The following FBXW8 variants were observed in gnomAD, a reference collection of about 807,000 sequenced individuals.
The protein encoded by FBXW8 is F-box and WD repeat domain containing 8.
In FBXW8, 57 loss-of-function variants were observed where a neutral mutation model predicts 65.3. The observed-to-expected ratio is 0.87, with a 90% CI of 0.71 to 1.09. The LOEUF (loss-of-function observed/expected upper bound fraction) is 1.09. Among genes scored for constraint, FBXW8 ranks in the 50% least tolerant of loss-of-function variants. The pLI is 0.00. For missense variants in FBXW8, 777 were observed against 814.8 expected (o/e 0.95, Z 0.57); for synonymous variants, 308 against 330.2 (o/e 0.93, Z 0.73).
At chr12:116,912,078 G>A (rs1262378265) in intron 1 of FBXW8, among the ~76,000 whole-genome samples, 2 of 151,958 alleles carry the variant, frequency 1.3e-5, no homozygotes, top group African/African-American at 2.4e-5. Flanking sequence ...CAGGTTAAGA[G>A]GACAAGGCTC....
intron 8 of FBXW8, among the ~76,000 whole-genome samples, chr12:117,014,056 T>A (rs548324866): frequency 1.8e-4 from 28 of 152,308 alleles, no homozygotes; most frequent in South Asian, 2.1e-4. Context: ...GTAACCTCAA[T>A]AATGTAAATA....
At chr12:117,015,193 G>T (rs1250787542) in intron 8 of FBXW8, among the ~76,000 whole-genome samples, 1 of 152,158 alleles carries the variant, frequency 6.6e-6, no homozygotes, top group Non-Finnish European at 1.5e-5. Flanking sequence ...TCAGGGCAAG[G>T]CTGCAAGAGG....
intron 2 of FBXW8, among the ~76,000 whole-genome samples, chr12:116,942,395 G>A: frequency 7.5e-6 from 1 of 133,168 alleles, no homozygotes; most frequent in Admixed American, 8.4e-5. Context: ...TTTTTTCCGA[G>A]ACAGAGTCTT....
Position 116,928,092 on chromosome 12 carries a change from TA to T in FBXW8, c.389del (p.Tyr130PhefsTer7). 1 of 1,611,996 alleles carries T rather than the reference TA, an allele frequency of 6.2e-7. No homozygotes were observed. The highest frequency in any genetic ancestry group is 8.5e-7 in the Non-Finnish European group (1 of 1,179,028). Reference sequence around the variant, plus strand: ...CGAATTGGCAATCAATATATTTCAGTATCTGGACAGGAAAGAACTAGGAAGA... The same window carrying T: ...CGAATTGGCAATCAATATATTTCAGTTCTGGACAGGAAAGAACTAGGAAGA... ...PYELAINIFQ[Y>X]LDRKELGRCA... On this transcript the variant is annotated frameshift_variant, in exon 2 of 11. Coordinates refer to ENST00000652555, the MANE Select transcript of FBXW8 (RefSeq NM_153348.3). LOFTEE classifies it high-confidence loss of function.
rs1237569243 is a variant in FBXW8, at chr12:116,945,401, T to A, written c.461T>A (p.Val154Glu). The change falls in exon 3 of 11, where the codon GTG becomes GAG. Residue 154 changes from valine to glutamate, a missense_variant. Coordinates refer to ENST00000652555, the MANE Select transcript of FBXW8 (RefSeq NM_153348.3). ...KTWKVIAEDE[V>E]LWYRLCQQEG... is the part of the protein sequence containing the mutation. ...TGGAAGGTGATTGCAGAGGATGAGG[T>A]GCTGTGGTACAGGCTGTGCCAGCAG... 7 of 1,613,922 alleles carry A rather than the reference T, an allele frequency of 4.3e-6. 1 individual carries two copies. Among genetic ancestry groups the A allele is most frequent in the Non-Finnish European group, 5.9e-6 (7 of 1,179,986 alleles).
rs755564545 is a variant in FBXW8 at position 117,027,457 on chromosome 12, G to A, written c.1605G>A (p.Gln535=). 1.1e-5 allele frequency: 18 copies of A among 1,614,054 alleles called. No individual in the cohort carries two copies. Among genetic ancestry groups the A allele is most frequent in the Admixed American group, 8.3e-5 (5 of 60,006 alleles). The stretch of plus-strand genomic sequence containing the variant: ...TCATCACGGCCAACGTGCCTTACCA[G>A]ACGGTAATGCGAAACGCCGACCTGG... ...HSLITANVPY[Q]TVMRNADLDS... Residue 535 remains glutamine (Q), a synonymous_variant, in exon 10 of 11, where the codon CAG becomes CAA. Coordinates refer to ENST00000652555, the MANE Select transcript of FBXW8 (RefSeq NM_153348.3).
chr12:116,968,437 A>G (rs1175661624), intron 5 of FBXW8, among the ~76,000 whole-genome samples: 1 of 152,348 alleles, frequency 6.6e-6, no homozygotes, highest in East Asian at 1.9e-4. Flanking sequence ...TCTAAATAGC[A>G]TATCTTAAAA....
rs147866134 is a variant in FBXW8 at position 116,968,475 on chromosome 12, A to C, written c.835+3621A>C. On this transcript the variant is annotated intron_variant, in intron 5 of 10. Transcript: ENST00000652555. ...GAGTGCATGTCTGTGTAGAGAGAGT[A>C]CCCCGTTTGCACACCTGAATGGTAA... 1.2e-4 allele frequency among the ~76,000 whole-genome samples: 19 copies of C among 152,280 alleles called. 1 individual carries two copies. In the East Asian group the frequency reaches 3.5e-3, roughly 28 times the overall value.
chr12:116,992,227 G>A (rs1005900858), intron 7 of FBXW8, among the ~76,000 whole-genome samples: 3 of 152,060 alleles, frequency 2.0e-5, no homozygotes, highest in Non-Finnish European at 4.4e-5. Context: ...CTCCAGCTCG[G>A]GTAGGAAGGG....
chr12:116,926,992 T>G (rs1467741851), intron 1 of FBXW8, among the ~76,000 whole-genome samples: 4 of 152,152 alleles, frequency 2.6e-5, no homozygotes, highest in Non-Finnish European at 5.9e-5. Context: ...ACCGCTGTAT[T>G]TGAGTGGTGA....
At chr12:116,943,051 A>G (rs1339630510) in intron 2 of FBXW8, among the ~76,000 whole-genome samples, 1 of 152,102 alleles carries the variant, frequency 6.6e-6, no homozygotes, top group Non-Finnish European at 1.5e-5. Context: ...TTTTTAACAG[A>G]TAATTTCTAT....
chr12:116,957,748 T>A, intron 4 of FBXW8, among the ~76,000 whole-genome samples: 1 of 152,254 alleles, frequency 6.6e-6, no homozygotes, highest in East Asian at 1.9e-4. Context: ...GACATTGGAC[T>A]GTTTCCCATA....
In FBXW8 at chr12:116,911,116, C is replaced by A; in HGVS notation, c.79C>A (p.Arg27=). ...GCAGGCCCAGGCGCCGAAGAAGCGG[C>A]GACGGCCCGAGGCTGCCGAGAGGCG... ...LAQAQAPKKR[R]RPEAAERRAR... is the part of the protein sequence containing the mutation. The change falls in exon 1 of 11, where the codon CGA becomes AGA. Residue 27 remains arginine (R), a synonymous_variant. Transcript: ENST00000652555. The A allele has an allele frequency of 7.2e-7, 1 of 1,390,390 alleles. No homozygotes were observed. The highest frequency in any genetic ancestry group is 9.2e-7 in the Non-Finnish European group (1 of 1,082,554). 86.1% of individuals were successfully genotyped at this position (1,390,390 alleles called of 1,614,324 possible).
intron 2 of FBXW8, among the ~76,000 whole-genome samples, chr12:116,935,922 A>G (rs1484135256): frequency 6.6e-6 from 1 of 152,232 alleles, no homozygotes; most frequent in Admixed American, 6.5e-5. Context: ...CTTTTATCTC[A>G]TTTGGTTATT....
chr12:116,993,509 T>TA (rs1426402881), intron 7 of FBXW8, among the ~76,000 whole-genome samples: 1 of 152,222 alleles, frequency 6.6e-6, no homozygotes, highest in South Asian at 2.1e-4. Flanking sequence ...CATTGTTTCT[T>TA]ACGTTTGTTG....
intron 5 of FBXW8, among the ~76,000 whole-genome samples, chr12:116,984,237 A>C (rs1040941768): frequency 6.6e-6 from 1 of 152,208 alleles, no homozygotes; most frequent in Non-Finnish European, 1.5e-5. Flanking sequence ...CCTGTAGACC[A>C]CTGGTCCTAA....
intron 7 of FBXW8, among the ~76,000 whole-genome samples, chr12:116,999,900 G>A (rs1345157133): frequency 1.3e-5 from 2 of 151,838 alleles, no homozygotes; most frequent in Admixed American, 6.6e-5. Context: ...CTTAACAGAA[G>A]CAGCCTTACA....
At chr12:116,985,160 T>A (rs1187578872) in intron 5 of FBXW8, 46 bp from the exon 6 acceptor site, 2 of 1,494,244 alleles carry the variant, frequency 1.3e-6, no homozygotes, top group Admixed American at 2.3e-5. Flanking sequence ...ATTGAACATA[T>A]TAAGTAAATT....
intron 2 of FBXW8, among the ~76,000 whole-genome samples, chr12:116,935,346 T>C (rs1882079315): frequency 6.6e-6 from 1 of 152,232 alleles, no homozygotes; most frequent in South Asian, 2.1e-4. Context: ...CAGGTGCTTA[T>C]AGCTAAAGAT....
Sources: gnomAD v4.1 joint callset for allele counts (sites outside exome capture counted in the v4.1 genomes callset) on GRCh38, gnomAD v4.1.1 for gene constraint, MANE v1.5 for transcripts, NCBI Gene and HGNC (gene_info 2026-07-23, HGNC 2026-07-21) for gene names.